The following UBXN11 variants were observed in gnomAD, a reference collection of about 807,000 sequenced individuals.
The protein encoded by UBXN11 is UBX domain protein 11, also known as UBX domain-containing protein 11.
UBXN11 carries 47 observed loss-of-function variants against 62.8 expected under a neutral mutation model. That is an observed-to-expected ratio of 0.75 (90% CI 0.59 to 0.95). The LOEUF (loss-of-function observed/expected upper bound fraction) is 0.95, where lower values mean the gene tolerates loss of function less well. Ranked by LOEUF, UBXN11 falls within the 40% of genes least tolerant of loss-of-function variation. The probability of loss-of-function intolerance (pLI) is 0.00; values close to 1 mark genes in which losing one functional copy is unlikely to be tolerated. For missense variants in UBXN11, 638 were observed against 661.7 expected (o/e 0.96, Z 0.39); for synonymous variants, 294 against 267.0 (o/e 1.10, Z -0.99).
At chr1:26,291,300 T>C (rs6657644) in intron 8 of UBXN11, among the ~76,000 whole-genome samples, 132,998 of 152,192 alleles carry the variant, frequency 0.87, 59,089 homozygotes, top group Non-Finnish European at 0.93. Flanking sequence ...GCCGGAGAGA[T>C]GTCCCAGGAA....
At chr1:26,311,565 C>T (rs1407771385), upstream of UBXN11, among the ~76,000 whole-genome samples, 1 of 151,954 alleles carries the variant, frequency 6.6e-6, no homozygotes, top group East Asian at 1.9e-4. Flanking sequence ...GCCTCAGCCT[C>T]CCGAGTAGCT....
chr1:26,295,723 A>G (rs116021425), intron 7 of UBXN11, among the ~76,000 whole-genome samples: 3,502 of 152,162 alleles, frequency 0.023, 71 homozygotes, highest in Middle Eastern at 0.044. Context: ...CACCCATTTC[A>G]TCAAGTCACA....
rs192300196 is a variant in UBXN11, at chr1:26,286,118, A to G, written c.560-81T>C. On this transcript the variant is annotated intron_variant, in intron 8 of 14. Coordinates refer to ENST00000374222, the MANE Select transcript of UBXN11 (RefSeq NM_001389556.1). Reference sequence around the variant, plus strand: ...GCCCTAGCCTCTGTGGCTCCCTCCCAAGCTGGGCAGTGGTCTTAATGTCTC... The same window carrying G: ...GCCCTAGCCTCTGTGGCTCCCTCCCGAGCTGGGCAGTGGTCTTAATGTCTC... 1,584 of 1,346,580 alleles carry G rather than the reference A, an allele frequency of 1.2e-3. 16 individuals are homozygous for G. The African/African-American group carries it at 0.021, about 18-fold the overall frequency. 83.4% of individuals were successfully genotyped at this position (1,346,580 alleles called of 1,614,324 possible).
chr1:26,304,616 G>A (rs12405542), intron 1 of UBXN11, among the ~76,000 whole-genome samples: 22,180 of 152,086 alleles, frequency 0.15, 1,839 homozygotes, highest in African/African-American at 0.21. Context: ...AGCCGGGCTT[G>A]GTGGCAGGCA....
intron 8 of UBXN11, 98 bp from the exon 9 acceptor site, chr1:26,286,135 T>A: frequency 1.8e-6 from 2 of 1,126,264 alleles, no homozygotes; most frequent in Non-Finnish European, 2.5e-6. Context: ...GCAGTGGTCT[T>A]AATGTCTCCT....
chr1:26,298,780 GAAA>G (rs11368453), intron 4 of UBXN11, among the ~76,000 whole-genome samples: 1 of 61,704 alleles, frequency 1.6e-5, no homozygotes, highest in Non-Finnish European at 3.4e-5. Flanking sequence ...CTCTGTCTCA[GAAA>G]AAAAAAAAAA....
chr1:26,302,186 A>G (rs534017731), intron 2 of UBXN11, among the ~76,000 whole-genome samples: 1 of 152,134 alleles, frequency 6.6e-6, no homozygotes, highest in Non-Finnish European at 1.5e-5. Context: ...AACACAGTGA[A>G]ACCCGTCTCT....
At chr1:26,310,684 C>T (rs1015802078), upstream of UBXN11, among the ~76,000 whole-genome samples, 7 of 144,908 alleles carry the variant, frequency 4.8e-5, no homozygotes, top group African/African-American at 1.3e-4. Context: ...GCCAAGATTG[C>T]GCCACTGCAC....
At chr1:26,307,164 T>C (rs2073688022), upstream of UBXN11, among the ~76,000 whole-genome samples, 1 of 152,184 alleles carries the variant, frequency 6.6e-6, no homozygotes, top group African/African-American at 2.4e-5. Context: ...CAAATTCTAG[T>C]TCCCTTGTGT....
rs1178966120 is a variant in UBXN11, at chr1:26,285,977, A to C, written c.620T>G (p.Leu207Arg). Residue 207 changes from leucine (L) to arginine (R), a missense_variant, in exon 9 of 15, where the codon CTT (leucine) becomes CGT (arginine). By Grantham distance (102) the Leu-to-Arg change is moderately radical. Coordinates refer to ENST00000374222, the MANE Select transcript of UBXN11 (RefSeq NM_001389556.1). The part of the protein sequence containing the change: ...FDRLLASLQD[L>R]SELVVEGDTQ... ...GTCACCCTCTACCACCAGCTCACTA[A>C]GATCCTGCAGGCTGGCCAGCAGCCT... is the stretch of plus-strand genomic sequence containing the variant. The C allele has an allele frequency of 1.2e-6, 2 of 1,613,062 alleles. No homozygotes were observed. The highest frequency in any genetic ancestry group is 1.7e-5 in the Admixed American group (1 of 59,986).
chr1:26,294,314 A>G lies in UBXN11; in HGVS notation c.450T>C (p.Tyr150=), dbSNP rs1322573348. 6.2e-7 allele frequency: 1 copy of G among 1,613,526 alleles called. No individual in the cohort carries two copies. Among genetic ancestry groups the G allele is most frequent in the Non-Finnish European group, 8.5e-7 (1 of 1,179,836 alleles). Reference sequence around the variant, plus strand: ...TGGGCTCGCCCACCCACTGCAGGCCATAGTCACTGAGGAACCGCTGTGGGA... The same window carrying G: ...TGGGCTCGCCCACCCACTGCAGGCCGTAGTCACTGAGGAACCGCTGTGGGA... The part of the protein sequence containing the change: ...VREMERFLSD[Y]GLQWVGEPMD... Residue 150 remains tyrosine (Y), a synonymous_variant, in exon 8 of 15, where the codon TAT becomes TAC. Coordinates refer to ENST00000374222, the MANE Select transcript of UBXN11 (RefSeq NM_001389556.1).
In UBXN11 at chr1:26,295,646, C is replaced by T. The variant is rs546236679; in HGVS notation, c.432+1273G>A. Among the ~76,000 whole-genome samples, 346 of 151,136 alleles carry T rather than the reference C, an allele frequency of 2.3e-3. 2 individuals are homozygous for T. The highest frequency in any genetic ancestry group is 5.4e-3 in the South Asian group (26 of 4,792). ...TGGATCCTCTCACCCCATTCCCCTC[C>T]TCACTCACCAGACATCATGCCCAAT... On this transcript the variant is annotated intron_variant, in intron 7 of 14. Coordinates refer to ENST00000374222, the MANE Select transcript of UBXN11 (RefSeq NM_001389556.1).
At chr1:26,296,368 G>C (rs547607842) in intron 7 of UBXN11, among the ~76,000 whole-genome samples, 2 of 152,242 alleles carry the variant, frequency 1.3e-5, no homozygotes, top group Non-Finnish European at 2.9e-5. Flanking sequence ...AGTCCCACAA[G>C]GGAAGAGAGA....
chr1:26,297,887 C>T (rs2073433778), intron 5 of UBXN11, 75 bp downstream of exon 5: 1 of 1,510,222 alleles, frequency 6.6e-7, no homozygotes, highest in East Asian at 2.4e-5. Context: ...CACCCTAGTC[C>T]AACTCCTGGC....
intron 8 of UBXN11, among the ~76,000 whole-genome samples, chr1:26,291,460 G>A (rs944795832): frequency 6.6e-6 from 1 of 152,246 alleles, no homozygotes; most frequent in Non-Finnish European, 1.5e-5. Flanking sequence ...AAGATGGAGG[G>A]CAGGGTTTTT....
chr1:26,285,603 C>G (rs1371215647), intron 9 of UBXN11, 62 bp from the exon 10 acceptor site: 10 of 1,473,446 alleles, frequency 6.8e-6, no homozygotes, highest in Non-Finnish European at 9.1e-6. Context: ...TGCCCTGCCA[C>G]TGGTCTGGAT....
At chr1:26,300,417 A>G (rs918222632) in intron 4 of UBXN11, among the ~76,000 whole-genome samples, 2 of 152,222 alleles carry the variant, frequency 1.3e-5, no homozygotes, top group Admixed American at 6.5e-5. Context: ...CCCGCCCAGC[A>G]CTCTGCAGGG....
Position 26,284,481 on chromosome 1 carries a change from A to G in UBXN11, c.854T>C (p.Val285Ala), listed in dbSNP as rs1416072927. Reference protein sequence around the residue: ...RLYPNGVPFKVSDLRNQVYLE... With the variant: ...RLYPNGVPFKASDLRNQVYLE... ...GTAGACCTGATTGCGCAAGTCACTC[A>G]CCTGGCAAGAAAGAAGGGCAACGAC... The change falls in exon 11 of 15, where the codon GTG (valine) becomes GCG (alanine). Residue 285 changes from valine to alanine, a missense_variant and splice_region_variant. Coordinates refer to ENST00000374222, the MANE Select transcript of UBXN11 (RefSeq NM_001389556.1). 6.3e-7 allele frequency: 1 copy of G among 1,589,316 alleles called. No individual in the cohort carries two copies. The highest frequency in any genetic ancestry group is 8.6e-7 in the Non-Finnish European group (1 of 1,163,400).
chr1:26,302,362 TAAAAA>T (rs56003085), intron 2 of UBXN11, among the ~76,000 whole-genome samples: 11,008 of 69,374 alleles, frequency 0.16, 815 homozygotes, highest in African/African-American at 0.23. Context: ...ACTTGGTCTT[TAAAAA>T]AAAAAAAAAA....
Sources: allele counts gnomAD v4.1 joint callset (sites outside exome capture counted in the v4.1 genomes callset), GRCh38; gene constraint gnomAD v4.1.1; transcripts MANE v1.5; gene names NCBI Gene and HGNC (gene_info 2026-07-23, HGNC 2026-07-21).